The following TAFA1 variants were observed in gnomAD, a reference collection of about 807,000 sequenced individuals.
The protein encoded by TAFA1 is TAFA chemokine like family member 1, also known as chemokine-like protein TAFA-1.
In TAFA1, 4 loss-of-function variants were observed where a neutral mutation model predicts 18.5. The ratio of observed to expected loss-of-function variants is 0.22; its 90% CI spans 0.11 to 0.49. The LOEUF (loss-of-function observed/expected upper bound fraction) is 0.49. Ranked by LOEUF, TAFA1 falls within the 20% of genes least tolerant of loss-of-function variation. The pLI is 0.98. For missense variants in TAFA1, 147 were observed against 169.0 expected (o/e 0.87, Z 0.72); for synonymous variants, 56 against 55.2 (o/e 1.01, Z -0.06).
At chr3:68,242,501 T>TC (rs371255177) in intron 2 of TAFA1, among the ~76,000 whole-genome samples, 1 of 152,172 alleles carries the variant, frequency 6.6e-6, no homozygotes, top group African/African-American at 2.4e-5. Context: ...GTATAATACA[T>TC]CTCTAGCACC....
intron 2 of TAFA1, among the ~76,000 whole-genome samples, chr3:68,040,578 C>T (rs112972592): frequency 1.3e-5 from 2 of 152,162 alleles, no homozygotes; most frequent in Non-Finnish European, 2.9e-5. Flanking sequence ...ACACTTATTT[C>T]GAGAAGGTTG....
At chr3:68,519,658 C>T (rs1017340605) in intron 3 of TAFA1, among the ~76,000 whole-genome samples, 4 of 152,176 alleles carry the variant, frequency 2.6e-5, no homozygotes, top group African/African-American at 4.8e-5. Flanking sequence ...AAGTTGCCAG[C>T]ATGGCCAGGT....
intron 2 of TAFA1, among the ~76,000 whole-genome samples, chr3:68,195,265 G>A (rs973846350): frequency 6.7e-6 from 1 of 149,466 alleles, no homozygotes; most frequent in South Asian, 2.2e-4. Flanking sequence ...AATCCTTAAG[G>A]GATAAGTCTG....
At chr3:68,467,055 AC>A (rs1430454634) in intron 3 of TAFA1, among the ~76,000 whole-genome samples, 1 of 152,052 alleles carries the variant, frequency 6.6e-6, no homozygotes, top group Non-Finnish European at 1.5e-5. Context: ...TATTTCTCTT[AC>A]CCATTTTCGG....
chr3:68,136,138 T>G (rs946425998), intron 2 of TAFA1, among the ~76,000 whole-genome samples: 1 of 152,170 alleles, frequency 6.6e-6, no homozygotes, highest in Non-Finnish European at 1.5e-5. Flanking sequence ...TTTTGACTGA[T>G]AGCCTAGTTT....
At chr3:68,395,192 A>C (rs779019155) in intron 2 of TAFA1, among the ~76,000 whole-genome samples, 1 of 152,182 alleles carries the variant, frequency 6.6e-6, no homozygotes, top group African/African-American at 2.4e-5. Context: ...CATATGAAAA[A>C]AAAACTCATC....
At chr3:68,279,087 T>G (rs1357337268) in intron 2 of TAFA1, among the ~76,000 whole-genome samples, 1 of 151,996 alleles carries the variant, frequency 6.6e-6, no homozygotes, top group South Asian at 2.1e-4. Flanking sequence ...CTATGCAGAG[T>G]TGGTTGTGAA....
chr3:68,394,163 A>G (rs1201848559), intron 2 of TAFA1, among the ~76,000 whole-genome samples: 1 of 152,150 alleles, frequency 6.6e-6, no homozygotes, highest in Non-Finnish European at 1.5e-5. Flanking sequence ...CCAATAATAG[A>G]CAAACAGAGC....
chr3:68,189,953 A>G (rs2066317811), intron 2 of TAFA1, among the ~76,000 whole-genome samples: 1 of 151,850 alleles, frequency 6.6e-6, no homozygotes, highest in South Asian at 2.1e-4. Context: ...AGTTACAGAG[A>G]TTGCTTGGTG....
chr3:68,165,396 T>C (rs536000974), intron 2 of TAFA1, among the ~76,000 whole-genome samples: 1 of 152,314 alleles, frequency 6.6e-6, no homozygotes, highest in African/African-American at 2.4e-5. Flanking sequence ...TACACTTTGG[T>C]TTTAATTTGT....
rs183797584 is a variant in TAFA1 at position 68,194,120 on chromosome 3, T to G, written c.118+187376T>G. 2.0e-5 allele frequency among the ~76,000 whole-genome samples: 3 copies of G among 151,744 alleles called. No homozygotes were observed. In the East Asian group the frequency reaches 5.9e-4, roughly 30 times the overall value. Reference sequence around the variant, plus strand: ...TGAAATGTTACAATACTCTTAAAATTATGGCTTAGAACTGGAACACAGTCA... The same window carrying G: ...TGAAATGTTACAATACTCTTAAAATGATGGCTTAGAACTGGAACACAGTCA... On this transcript the variant is annotated intron_variant, in intron 2 of 4. Transcript: ENST00000478136.
intron 2 of TAFA1, among the ~76,000 whole-genome samples, chr3:68,082,046 G>A (rs1053210714): frequency 5.3e-5 from 8 of 152,152 alleles, no homozygotes; most frequent in South Asian, 2.1e-4. Context: ...TTGGAAAAGC[G>A]CAGTACTCGG....
chr3:68,040,792 T>C (rs1275780227), intron 2 of TAFA1, among the ~76,000 whole-genome samples: 1 of 152,230 alleles, frequency 6.6e-6, no homozygotes, highest in African/African-American at 2.4e-5. Context: ...ACACTAATGA[T>C]TGAGAATCAC....
intron 2 of TAFA1, among the ~76,000 whole-genome samples, chr3:68,317,644 A>G (rs1205722903): frequency 1.3e-5 from 2 of 152,160 alleles, no homozygotes; most frequent in African/African-American, 4.8e-5. Flanking sequence ...AATATGCCAG[A>G]TGCTTAATAA....
chr3:68,426,102 T>C (rs1166806608), intron 3 of TAFA1, among the ~76,000 whole-genome samples: 1 of 151,878 alleles, frequency 6.6e-6, no homozygotes, highest in Non-Finnish European at 1.5e-5. Context: ...CAAAGTAATA[T>C]ATATAATCTG....
intron 2 of TAFA1, among the ~76,000 whole-genome samples, chr3:68,315,208 T>C (rs17047489): frequency 0.1 from 15,647 of 152,212 alleles, 1,244 homozygotes; most frequent in East Asian, 0.36. Context: ...GCTTTCTGAC[T>C]GGATATGGAC....
At chr3:68,350,523 C>A (rs1276683260) in intron 2 of TAFA1, among the ~76,000 whole-genome samples, 1 of 152,044 alleles carries the variant, frequency 6.6e-6, no homozygotes, top group Non-Finnish European at 1.5e-5. Context: ...CTGAATTAGC[C>A]TTCTAGGATC....
chr3:68,234,856 T>C (rs2066910274), intron 2 of TAFA1, among the ~76,000 whole-genome samples: 1 of 152,240 alleles, frequency 6.6e-6, no homozygotes, highest in Admixed American at 6.5e-5. Flanking sequence ...CAGGTGACTT[T>C]TGATTCAAAC....
At chr3:68,298,310 G>A (rs1002993350) in intron 2 of TAFA1, among the ~76,000 whole-genome samples, 1 of 152,180 alleles carries the variant, frequency 6.6e-6, no homozygotes, top group Admixed American at 6.5e-5. Flanking sequence ...GGAAGTGAGG[G>A]TCCATGTAGG....
Sources: allele counts gnomAD v4.1 joint callset (sites outside exome capture counted in the v4.1 genomes callset), GRCh38; gene constraint gnomAD v4.1.1; transcripts MANE v1.5; gene names NCBI Gene and HGNC (gene_info 2026-07-23, HGNC 2026-07-21).